Variants in PDE11A observed in about 807,000 individuals in gnomAD.
PDE11A encodes the protein dual 3',5'-cyclic-AMP and -GMP phosphodiesterase 11A.
PDE11A carries 100 observed loss-of-function variants against 100.5 expected under a neutral mutation model. The ratio of observed to expected loss-of-function variants is 1.00; its 90% CI spans 0.85 to 1.18. The LOEUF is 1.18. Ranked by LOEUF, PDE11A falls within the 50% of genes most tolerant of loss-of-function variation. PDE11A has a pLI of 0.00. For synonymous variants in PDE11A, 381 were observed against 420.8 expected, an observed-to-expected ratio of 0.91 and a Z score of 1.16; for missense variants, 1,141 against 1,152.6, an observed-to-expected ratio of 0.99 and a Z score of 0.15.
intron 15 of PDE11A, among the ~76,000 whole-genome samples, chr2:177,682,904 A>G (rs924578112): frequency 8.3e-6 from 1 of 119,866 alleles, no homozygotes. Flanking sequence ...TTTGGAAAAT[A>G]CCATCATGAC....
At chr2:177,956,385 G>T (rs568432546) in intron 2 of PDE11A, among the ~76,000 whole-genome samples, 1,695 of 152,238 alleles carry the variant, frequency 0.011, 30 homozygotes, top group African/African-American at 0.039. Flanking sequence ...AGTTAGAATG[G>T]CAATCATTAA....
At chr2:178,073,000 C>T, upstream of PDE11A, 1 of 985,314 alleles carries the variant, frequency 1.0e-6, no homozygotes, top group African/African-American at 1.7e-5. Context: ...GGGAAACGCA[C>T]CTTGTTCCTT....
At chr2:177,725,357 G>A (rs1021589942) in intron 12 of PDE11A, among the ~76,000 whole-genome samples, 1 of 152,068 alleles carries the variant, frequency 6.6e-6, no homozygotes, top group African/African-American at 2.4e-5. Context: ...GTAACCCTTA[G>A]TTAAGTTCAA....
intron 10 of PDE11A, among the ~76,000 whole-genome samples, chr2:177,741,757 A>G (rs1248600060): frequency 1.3e-5 from 2 of 152,350 alleles, no homozygotes; most frequent in East Asian, 3.9e-4. Flanking sequence ...CAAGTTAAAG[A>G]TAAGAACTGG....
At chr2:177,997,095 G>A (rs1284985562) in intron 2 of PDE11A, among the ~76,000 whole-genome samples, 2 of 152,134 alleles carry the variant, frequency 1.3e-5, no homozygotes, top group South Asian at 4.1e-4. Context: ...TTAGCTGAAG[G>A]CAGCAGTCTG....
chr2:177,773,628 A>G (rs2082341874), intron 9 of PDE11A, among the ~76,000 whole-genome samples: 1 of 152,192 alleles, frequency 6.6e-6, no homozygotes, highest in African/African-American at 2.4e-5. Flanking sequence ...AGTTAATGAT[A>G]AGGAAGCTTC....
At chr2:178,021,207 C>A (rs1308058003) in intron 1 of PDE11A, among the ~76,000 whole-genome samples, 1 of 152,100 alleles carries the variant, frequency 6.6e-6, no homozygotes, top group Admixed American at 6.6e-5. Context: ...AGTGATCCAC[C>A]TGCCTCGGCC....
chr2:177,934,327 CACAA>C (rs1420862591), intron 2 of PDE11A, among the ~76,000 whole-genome samples: 1 of 152,080 alleles, frequency 6.6e-6, no homozygotes, highest in Non-Finnish European at 1.5e-5. Flanking sequence ...AGGCAAAAGA[CACAA>C]ACAGACACTT....
chr2:178,077,920 C>T (rs1259551652), intron 2 of PDE11A, among the ~76,000 whole-genome samples: 1 of 150,506 alleles, frequency 6.6e-6, no homozygotes, highest in Non-Finnish European at 1.5e-5. Flanking sequence ...GAAACAGATG[C>T]TCTTAGGAAA....
chr2:177,968,621 T>C (rs1319336705), intron 2 of PDE11A, among the ~76,000 whole-genome samples: 3 of 152,176 alleles, frequency 2.0e-5, no homozygotes, highest in Admixed American at 2.0e-4. Context: ...TAAATTCCTA[T>C]AGGATGAACC....
rs189952428 is a variant in PDE11A at position 177,748,011 on chromosome 2, G to A, written c.1789-19839C>T. On this transcript the variant is annotated intron_variant, in intron 10 of 19. Transcript: ENST00000286063. The stretch of plus-strand genomic sequence containing the variant: ...TCCTTGCCAAGTCCCCTTTCAATCT[G>A]AGGCAGAATTTGCCAACATTCAGGA... 4.1e-3 allele frequency among the ~76,000 whole-genome samples: 620 copies of A among 152,180 alleles called. 3 individuals carry two copies. The highest frequency in any genetic ancestry group is 6.5e-3 in the Non-Finnish European group (443 of 68,000).
chr2:178,062,484 G>T (rs910725967), intron 1 of PDE11A, among the ~76,000 whole-genome samples: 11 of 152,202 alleles, frequency 7.2e-5, no homozygotes, highest in Admixed American at 6.5e-4. Flanking sequence ...TAGAAAGAGG[G>T]AATTAGAGCT....
intron 9 of PDE11A, among the ~76,000 whole-genome samples, chr2:177,783,671 A>C (rs1474221384): frequency 6.6e-6 from 1 of 152,222 alleles, no homozygotes; most frequent in Non-Finnish European, 1.5e-5. Context: ...GCCCAAAATT[A>C]ACCTTTGTTT....
intron 2 of PDE11A, among the ~76,000 whole-genome samples, chr2:177,956,663 A>C (rs1056301631): frequency 3.9e-4 from 60 of 152,354 alleles, no homozygotes; most frequent in African/African-American, 1.3e-3. Flanking sequence ...ACCAACCTAA[A>C]TGTCCAACAA....
intron 5 of PDE11A, among the ~76,000 whole-genome samples, chr2:177,854,968 C>A (rs1485672144): frequency 6.6e-6 from 1 of 152,158 alleles, no homozygotes; most frequent in Non-Finnish European, 1.5e-5. Context: ...AAGGAAGTTA[C>A]ATAGCAACAC....
intron 9 of PDE11A, among the ~76,000 whole-genome samples, chr2:177,791,996 G>T (rs943126259): frequency 3.9e-5 from 6 of 152,050 alleles, no homozygotes; most frequent in African/African-American, 1.4e-4. Flanking sequence ...AAGGATCTCA[G>T]GCATTAACAC....
intron 12 of PDE11A, among the ~76,000 whole-genome samples, 199 bp downstream of exon 12, chr2:177,727,459 T>G (rs1205723660): frequency 2.0e-5 from 3 of 152,140 alleles, no homozygotes; most frequent in Non-Finnish European, 4.4e-5. Context: ...AAGGCTACAC[T>G]GGCTTCAAGG....
At chr2:177,764,057 C>A (rs2082206896) in intron 10 of PDE11A, among the ~76,000 whole-genome samples, 1 of 152,180 alleles carries the variant, frequency 6.6e-6, no homozygotes, top group Non-Finnish European at 1.5e-5. Context: ...AGTGTCTTAT[C>A]AAATCTAATT....
chr2:177,950,745 A>G (rs2085495843), intron 2 of PDE11A, among the ~76,000 whole-genome samples: 1 of 152,218 alleles, frequency 6.6e-6, no homozygotes, highest in African/African-American at 2.4e-5. Flanking sequence ...CCCCGTCTTT[A>G]TTAAAAATAC....
Sources: allele counts gnomAD v4.1 joint callset (sites outside exome capture counted in the v4.1 genomes callset), GRCh38; gene constraint gnomAD v4.1.1; transcripts MANE v1.5; gene names NCBI Gene and HGNC (gene_info 2026-07-23, HGNC 2026-07-21).